The following SEZ6L variants were observed in gnomAD, a reference collection of about 807,000 sequenced individuals.
SEZ6L encodes the protein seizure 6-like protein.
A neutral mutation model predicts 106.2 loss-of-function variants in SEZ6L; 37 were observed. The observed-to-expected ratio is 0.35, with a 90% CI of 0.27 to 0.46. The LOEUF (loss-of-function observed/expected upper bound fraction) is 0.46, where lower values mean the gene tolerates loss of function less well. Ranked by LOEUF, SEZ6L falls within the 20% of genes least tolerant of loss-of-function variation. The pLI, the probability that SEZ6L is intolerant of heterozygous loss-of-function variation, is 1.00. For synonymous variants in SEZ6L, 541 were observed against 570.4 expected (o/e 0.95, Z 0.73); for missense variants, 1,172 against 1,332.8 (o/e 0.88, Z 1.88).
At chr22:26,173,109 G>A (rs1938737135) in intron 1 of SEZ6L, among the ~76,000 whole-genome samples, 1 of 152,168 alleles carries the variant, frequency 6.6e-6, no homozygotes, top group African/African-American at 2.4e-5. Flanking sequence ...TGAGGAATGG[G>A]GGCAGGGCAA....
At chr22:26,271,216 A>T (rs1484530584) in intron 1 of SEZ6L, among the ~76,000 whole-genome samples, 1 of 152,232 alleles carries the variant, frequency 6.6e-6, no homozygotes, top group Non-Finnish European at 1.5e-5. Context: ...GTATATAAAC[A>T]ACATTAGGTT....
chr22:26,194,767 C>A (rs1403398198), intron 1 of SEZ6L, among the ~76,000 whole-genome samples: 1 of 152,196 alleles, frequency 6.6e-6, no homozygotes, highest in African/African-American at 2.4e-5. Context: ...AACTGCATTT[C>A]TCTGTCTCCT....
At chr22:26,327,651 ACAC>A (rs2082360885) in intron 9 of SEZ6L, among the ~76,000 whole-genome samples, 1 of 142,684 alleles carries the variant, frequency 7.0e-6, no homozygotes, top group Admixed American at 7.0e-5. Context: ...ACCACATGAC[ACAC>A]CACGCCCACA....
chr22:26,216,718 G>A (rs1602059337), intron 1 of SEZ6L, among the ~76,000 whole-genome samples: 3 of 152,174 alleles, frequency 2.0e-5, no homozygotes, highest in African/African-American at 7.2e-5. Context: ...TAAAAGTAGT[G>A]TCCTTATGTG....
intron 1 of SEZ6L, among the ~76,000 whole-genome samples, chr22:26,250,011 C>G (rs1044235559): frequency 6.6e-6 from 1 of 152,000 alleles, no homozygotes; most frequent in Non-Finnish European, 1.5e-5. Context: ...CATTTTTAAT[C>G]AGATTATTTG....
At chr22:26,331,604 C>T (rs185807314) in intron 9 of SEZ6L, among the ~76,000 whole-genome samples, 2 of 152,082 alleles carry the variant, frequency 1.3e-5, no homozygotes, top group East Asian at 1.9e-4. Context: ...CTCTGTTATA[C>T]CTGATCGATA....
At chr22:26,351,540 T>TTG (rs1556375110) in intron 12 of SEZ6L, 162 of 238,114 alleles carry the variant, frequency 6.8e-4, no homozygotes, top group African/African-American at 2.4e-3. Context: ...TTTGTTTGTT[T>TTG]GTTTGTTGGT....
At chr22:26,269,422 A>T (rs2080291201) in intron 1 of SEZ6L, among the ~76,000 whole-genome samples, 1 of 152,162 alleles carries the variant, frequency 6.6e-6, no homozygotes, top group Non-Finnish European at 1.5e-5. Context: ...GGATGCATAA[A>T]CCTAGAGCAG....
Position 26,169,598 on chromosome 22 carries a change from C to T in SEZ6L, c.-72C>T. 3.8e-6 allele frequency: 2 copies of T among 527,102 alleles called. No individual in the cohort carries two copies. Among genetic ancestry groups the T allele is most frequent in the Non-Finnish European group, 6.1e-6 (2 of 328,170 alleles). The allele number at this position is 527,102 out of a possible 1,614,324, so 32.7% of individuals were successfully genotyped here. On this transcript the variant is annotated 5_prime_UTR_variant, in exon 1 of 17. Transcript: ENST00000248933. ...CCGCTTCCCCTTTCTCGCTCACCGC[C>T]GCCCTCCTTCCCCAGCTCCCTCGCC...
rs187539101 is a variant in SEZ6L, at chr22:26,236,493, G to A, written c.95-55913G>A. Among the ~76,000 whole-genome samples, 700 of 152,236 alleles carry A rather than the reference G, an allele frequency of 4.6e-3. 2 individuals carry two copies. Among genetic ancestry groups the A allele is most frequent in the Non-Finnish European group, 6.1e-3 (416 of 68,012 alleles). Reference sequence around the variant, plus strand: ...GGAAGGTAAGTTTTTAAAATACTGGGTATGGAAACAGGAGATAGTCAAACT... The same window carrying A: ...GGAAGGTAAGTTTTTAAAATACTGGATATGGAAACAGGAGATAGTCAAACT... On this transcript the variant is annotated intron_variant, in intron 1 of 16. Transcript: ENST00000248933.
intron 1 of SEZ6L, among the ~76,000 whole-genome samples, chr22:26,175,585 A>G (rs1402659178): frequency 1.3e-5 from 2 of 152,208 alleles, no homozygotes; most frequent in Non-Finnish European, 2.9e-5. Flanking sequence ...GTAGTTCCCA[A>G]AAAAGATGAA....
intron 1 of SEZ6L, among the ~76,000 whole-genome samples, chr22:26,270,680 A>T (rs1406970607): frequency 6.6e-6 from 1 of 152,164 alleles, no homozygotes; most frequent in Non-Finnish European, 1.5e-5. Context: ...CCCCTTCTTT[A>T]TCTCTTCCTC....
intron 1 of SEZ6L, among the ~76,000 whole-genome samples, chr22:26,202,515 C>A (rs1423181942): frequency 6.6e-6 from 1 of 152,198 alleles, no homozygotes; most frequent in Non-Finnish European, 1.5e-5. Context: ...GAGGGCTACC[C>A]AGCTTCCTCC....
intron 5 of SEZ6L, among the ~76,000 whole-genome samples, chr22:26,301,399 G>A (rs1034047565): frequency 6.6e-6 from 1 of 152,220 alleles, no homozygotes; most frequent in East Asian, 1.9e-4. Flanking sequence ...AGCTATTGCA[G>A]GGACCCTGAC....
chr22:26,354,694 T>C (rs1249740285), intron 12 of SEZ6L, among the ~76,000 whole-genome samples: 1 of 152,156 alleles, frequency 6.6e-6, no homozygotes. Flanking sequence ...GAAAAAGCAC[T>C]TCACCAATGA....
At chr22:26,291,887 C>A (rs1360416401) in intron 1 of SEZ6L, among the ~76,000 whole-genome samples, 3 of 152,138 alleles carry the variant, frequency 2.0e-5, no homozygotes, top group African/African-American at 7.2e-5. Flanking sequence ...AGTACATATA[C>A]AACCAGGCAG....
intron 1 of SEZ6L, among the ~76,000 whole-genome samples, chr22:26,212,450 TCTCA>T (rs1429151137): frequency 6.6e-6 from 1 of 152,174 alleles, no homozygotes; most frequent in Non-Finnish European, 1.5e-5. Flanking sequence ...TGAGGCAAGG[TCTCA>T]CTGTTTCACC....
At chr22:26,208,924 G>T (rs921520075) in intron 1 of SEZ6L, among the ~76,000 whole-genome samples, 1 of 138,786 alleles carries the variant, frequency 7.2e-6, no homozygotes, top group Non-Finnish European at 1.6e-5. Context: ...GATATTTCCC[G>T]CAAATCCCTG....
chr22:26,261,803 A>T (rs1479548451), intron 1 of SEZ6L, among the ~76,000 whole-genome samples: 1 of 152,172 alleles, frequency 6.6e-6, no homozygotes, highest in Non-Finnish European at 1.5e-5. Flanking sequence ...TGGGGATGAA[A>T]TAATAAAAAG....
Sources: gnomAD v4.1 joint callset for allele counts (sites outside exome capture counted in the v4.1 genomes callset) on GRCh38, gnomAD v4.1.1 for gene constraint, MANE v1.5 for transcripts, NCBI Gene and HGNC (gene_info 2026-07-23, HGNC 2026-07-21) for gene names.